Variants in ANKMY1 observed in about 807,000 individuals in gnomAD.
The protein encoded by ANKMY1 is ankyrin repeat and MYND domain-containing protein 1.
A neutral mutation model predicts 102.0 loss-of-function variants in ANKMY1; 98 were observed. The observed-to-expected ratio is 0.96, with a 90% CI of 0.82 to 1.14. The LOEUF (loss-of-function observed/expected upper bound fraction) is 1.14, where lower values mean the gene tolerates loss of function less well. Ranked by LOEUF, ANKMY1 falls within the 50% of genes most tolerant of loss-of-function variation. The pLI is 0.00. For synonymous variants in ANKMY1, 582 were observed against 559.9 expected (o/e 1.04, Z -0.56); for missense variants, 1,330 against 1,347.6 (o/e 0.99, Z 0.20).
chr2:240,477,563 A>T (rs1045322060), downstream of ANKMY1, among the ~76,000 whole-genome samples: 7 of 151,694 alleles, frequency 4.6e-5, no homozygotes, highest in African/African-American at 1.7e-4. Context: ...CCTGACTAAG[A>T]TCTTTTTTTT....
chr2:240,557,140 C>T, intron 2 of ANKMY1, 50 bp downstream of exon 2: 1 of 1,400,234 alleles, frequency 7.1e-7, no homozygotes, highest in Non-Finnish European at 9.4e-7. Flanking sequence ...CCCGGCTAAC[C>T]CTGGGCCCCA....
chr2:240,557,133 G>C (rs527689095), intron 2 of ANKMY1, 57 bp downstream of exon 2: 6 of 1,391,452 alleles, frequency 4.3e-6, no homozygotes, highest in African/African-American at 1.5e-5. Context: ...GGAGAATCCC[G>C]GCTAACCCTG....
Position 240,500,577 on chromosome 2 carries a change from A to G in ANKMY1, c.2527-12T>C, listed in dbSNP as rs200349452. On this transcript the variant is annotated splice_polypyrimidine_tract_variant and intron_variant, in intron 13 of 17. Coordinates refer to ENST00000401804, the MANE Select transcript of ANKMY1 (RefSeq NM_001282771.3). ...ATGAGTCGGTCAATCTGTGGAGAAC[A>G]GAACCAGGTCAAACACGCAAGGACA... The G allele has an allele frequency of 1.4e-5, 22 of 1,612,202 alleles. No individual in the cohort carries two copies. The African/African-American group carries it at 2.4e-4, about 18-fold the overall frequency.
intron 12 of ANKMY1, 101 bp from the exon 13 acceptor site, chr2:240,507,792 G>GCTTT: frequency 1.4e-6 from 2 of 1,382,926 alleles, no homozygotes; most frequent in Non-Finnish European, 1.9e-6. Flanking sequence ...ACCCCTGAAA[G>GCTTT]CAGGGGCTTC....
chr2:240,539,653 A>G (rs542296344), intron 4 of ANKMY1, among the ~76,000 whole-genome samples: 7 of 152,332 alleles, frequency 4.6e-5, no homozygotes, highest in African/African-American at 1.7e-4. Context: ...GCTCCACACA[A>G]TGAAAATGTA....
intron 15 of ANKMY1, among the ~76,000 whole-genome samples, chr2:240,491,931 T>C (rs2076699209): frequency 6.6e-6 from 1 of 152,220 alleles, no homozygotes; most frequent in Admixed American, 6.5e-5. Flanking sequence ...GAACTTCCTT[T>C]ATCTGACTGT....
intron 15 of ANKMY1, among the ~76,000 whole-genome samples, chr2:240,483,163 T>C (rs1057055939): frequency 1.3e-5 from 2 of 152,188 alleles, no homozygotes; most frequent in Non-Finnish European, 2.9e-5. Flanking sequence ...CATCGAATTT[T>C]TTTTTTTCTT....
At chr2:240,504,880 G>A (rs1263371255) in intron 13 of ANKMY1, among the ~76,000 whole-genome samples, 5 of 151,900 alleles carry the variant, frequency 3.3e-5, no homozygotes, top group Non-Finnish European at 7.4e-5. Flanking sequence ...GGTGGTGGGC[G>A]CCTGTAATCC....
At chr2:240,549,708 C>G (rs1455836769) in intron 4 of ANKMY1, among the ~76,000 whole-genome samples, 2 of 152,178 alleles carry the variant, frequency 1.3e-5, no homozygotes, top group Non-Finnish European at 2.9e-5. Context: ...GGGTGAAGGA[C>G]ATGAACAGAC....
At chr2:240,488,171 T>G (rs2076269753) in intron 15 of ANKMY1, among the ~76,000 whole-genome samples, 1 of 152,212 alleles carries the variant, frequency 6.6e-6, no homozygotes, top group East Asian at 1.9e-4. Flanking sequence ...AAAGGTCCAC[T>G]TTCATTCTTC....
intron 5 of ANKMY1, chr2:240,527,583 G>C (rs995152215): frequency 7.2e-6 from 1 of 139,734 alleles, no homozygotes; most frequent in Non-Finnish European, 1.6e-5. Flanking sequence ...GGGTAGGTGG[G>C]TGGGTAGATG....
chr2:240,545,089 C>T (rs1177736931), intron 4 of ANKMY1, among the ~76,000 whole-genome samples: 2 of 150,100 alleles, frequency 1.3e-5, no homozygotes, highest in Admixed American at 6.7e-5. Flanking sequence ...ACAGTAACCT[C>T]TGCAGACTTA....
At position 240,520,619 on chromosome 2, in the gene ANKMY1, G is replaced by A. The variant is rs2082033609; in HGVS notation, c.1833-86C>T. On this transcript the variant is annotated intron_variant, in intron 8 of 17. Transcript: ENST00000401804. This position sits in a 1 kb window ranked among gnomAD's most constrained non-coding sequence, Gnocchi z 4.8. ...CGGGGCCATGCCAGCGAGGAGGCTG[G>A]GGAGGGGCGCGTAGGGAGTATGTGT... 4 of 1,481,856 alleles carry A rather than the reference G, an allele frequency of 2.7e-6. No individual in the cohort carries two copies. The highest frequency in any genetic ancestry group is 4.8e-5 in the East Asian group (2 of 41,798). 91.8% of individuals were successfully genotyped at this position (1,481,856 alleles called of 1,614,324 possible).
chr2:240,490,061 C>A (rs932972165), intron 15 of ANKMY1, among the ~76,000 whole-genome samples: 2 of 152,212 alleles, frequency 1.3e-5, no homozygotes, highest in Non-Finnish European at 2.9e-5. Flanking sequence ...CTCTGATGAT[C>A]TTTTGTATTT....
At chr2:240,479,241 C>T (rs1350483724), downstream of ANKMY1, among the ~76,000 whole-genome samples, 3 of 152,356 alleles carry the variant, frequency 2.0e-5, no homozygotes, top group East Asian at 5.8e-4. Context: ...GACCCAGGAG[C>T]TGCCCCCACC....
intron 4 of ANKMY1, among the ~76,000 whole-genome samples, chr2:240,544,070 C>G (rs1216228391): frequency 6.6e-6 from 1 of 151,914 alleles, no homozygotes; most frequent in Non-Finnish European, 1.5e-5. Flanking sequence ...AAGGTTAGTT[C>G]AAATTATAGA....
intron 9 of ANKMY1, among the ~76,000 whole-genome samples, chr2:240,519,156 G>A (rs1462168668): frequency 1.3e-5 from 2 of 152,250 alleles, no homozygotes; most frequent in Non-Finnish European, 2.9e-5. Flanking sequence ...TGTTCTGGGG[G>A]CACCCAAAGG....
downstream of ANKMY1, among the ~76,000 whole-genome samples, chr2:240,478,816 C>G (rs913937081): frequency 2.0e-5 from 3 of 152,102 alleles, no homozygotes; most frequent in Non-Finnish European, 4.4e-5. Context: ...GCTCCAGCCC[C>G]GACACAGGCT....
intron 12 of ANKMY1, 125 bp downstream of exon 12, chr2:240,509,223 G>T (rs1480602146): frequency 2.2e-5 from 16 of 731,294 alleles, no homozygotes; most frequent in Non-Finnish European, 3.4e-5. Context: ...GTGGATGGAT[G>T]AATGGATGGA....
Sources: allele counts gnomAD v4.1 joint callset (sites outside exome capture counted in the v4.1 genomes callset), GRCh38; gene constraint gnomAD v4.1.1; non-coding constraint Gnocchi (gnomAD v3.1); transcripts MANE v1.5; gene names NCBI Gene and HGNC (gene_info 2026-07-23, HGNC 2026-07-21).